The following HTRA4 variants were observed in gnomAD, a reference collection of about 807,000 sequenced individuals.
HTRA4 encodes serine protease HTRA4.
In HTRA4, 46 loss-of-function variants were observed where a neutral mutation model predicts 49.1. That is an observed-to-expected ratio of 0.94 (90% CI 0.74 to 1.20). The LOEUF is 1.20. Among genes scored for constraint, HTRA4 ranks in the 50% most tolerant of loss-of-function variants. HTRA4 has a pLI of 0.00. For synonymous variants in HTRA4, 261 were observed against 264.0 expected (o/e 0.99, Z 0.11); for missense variants, 602 against 636.9 (o/e 0.95, Z 0.59).
intron 5 of HTRA4, among the ~76,000 whole-genome samples, 177 bp downstream of exon 5, chr8:38,979,424 A>C (rs944127781): frequency 1.3e-5 from 2 of 152,214 alleles, no homozygotes; most frequent in Non-Finnish European, 2.9e-5. Flanking sequence ...ATCTACAAAA[A>C]CAAAAACAAA....
intron 4 of HTRA4, among the ~76,000 whole-genome samples, chr8:38,978,656 A>G (rs184331734): frequency 1.3e-5 from 2 of 152,262 alleles, no homozygotes; most frequent in East Asian, 3.9e-4. Flanking sequence ...GCTGGCATCC[A>G]TGCTATTAGG....
intron 2 of HTRA4, 26 bp downstream of exon 2, chr8:38,975,156 A>T (rs1564174200): frequency 1.3e-6 from 2 of 1,597,672 alleles, no homozygotes; most frequent in Non-Finnish European, 1.7e-6. Context: ...GAAGACCTCC[A>T]CTGTCCCAGC....
intron 8 of HTRA4, among the ~76,000 whole-genome samples, chr8:38,986,069 G>A (rs902374574): frequency 1.3e-5 from 2 of 152,122 alleles, no homozygotes; most frequent in Non-Finnish European, 1.5e-5. Context: ...GCTGAGGCAG[G>A]AGGATCATGT....
rs529558164 is a variant in HTRA4 at position 38,988,474 on chromosome 8, G to C, written c.*376G>C. On this transcript the variant is annotated 3_prime_UTR_variant, in exon 9 of 9. Coordinates refer to ENST00000302495, the MANE Select transcript of HTRA4 (RefSeq NM_153692.4). ...AGGGGAACAACACACACTGGGGCCTGGCAGTGGGTAGGGTAGAGGGAGGGA... is the reference window on the plus strand; with the variant it reads ...AGGGGAACAACACACACTGGGGCCTCGCAGTGGGTAGGGTAGAGGGAGGGA... 2.5e-5 allele frequency: 4 copies of C among 159,082 alleles called. No individual in the cohort carries two copies. Among genetic ancestry groups the C allele is most frequent in the African/African-American group, 9.6e-5 (4 of 41,648 alleles). 9.9% of individuals were successfully genotyped at this position (159,082 alleles called of 1,614,324 possible).
At position 38,974,570 on chromosome 8, in the gene HTRA4, C is replaced by G; in HGVS notation, c.307C>G (p.Pro103Ala). The G allele has an allele frequency of 7.0e-7, 1 of 1,420,724 alleles. No individual in the cohort carries two copies. The highest frequency in any genetic ancestry group is 1.5e-5 in the African/African-American group (1 of 66,718). The allele number at this position is 1,420,724 out of a possible 1,614,324, so 88.0% of individuals were successfully genotyped here. ...CCTCCAGCCGCTGCGCCCCGGGTTC[C>G]CCAGCACCTGCGGTTGCCCGACGCT... ...QCLQPLRPGF[P>A]STCGCPTLGG... Residue 103 changes from proline to alanine, a missense_variant, in exon 1 of 9, where the codon CCC (proline) becomes GCC (alanine). Pro to Ala is a conservative substitution (Grantham distance 27). Transcript: ENST00000302495.
rs545182573 is a variant in HTRA4, at chr8:38,981,506, C to G, written c.1000-147C>G. Reference sequence around the variant, plus strand: ...ACTATTTGCCCTATAAAGGAACATCCGTTGCTCTCTTTTGAAGTACAAAGT... The same window carrying G: ...ACTATTTGCCCTATAAAGGAACATCGGTTGCTCTCTTTTGAAGTACAAAGT... On this transcript the variant is annotated intron_variant, in intron 5 of 8. Transcript: ENST00000302495. 2.0e-5 allele frequency: 12 copies of G among 613,708 alleles called. No homozygotes were observed. In the East Asian group the frequency reaches 3.1e-4, roughly 16 times the overall value. 38.0% of individuals were successfully genotyped at this position (613,708 alleles called of 1,614,324 possible). A position where few individuals can be genotyped will look rare whatever the true frequency, so the allele number is the denominator to read the frequency against.
intron 8 of HTRA4, among the ~76,000 whole-genome samples, chr8:38,985,222 G>A (rs1240923098): frequency 6.8e-6 from 1 of 146,272 alleles, no homozygotes. Flanking sequence ...GTGCAGTGAT[G>A]CGATCTCGGC....
chr8:38,974,400 C>T lies in HTRA4; in HGVS notation c.137C>T (p.Pro46Leu), dbSNP rs1251173747. The T allele has an allele frequency of 1.3e-6, 2 of 1,561,950 alleles. No homozygotes were observed. Among genetic ancestry groups the T allele is most frequent in the Non-Finnish European group, 1.7e-6 (2 of 1,155,974 alleles). ...CCCTCCTGCCCCGCGGTCTGCCAGC[C>T]CACGCGCTGCCCCGCGCTGCCCACC... is the stretch of plus-strand genomic sequence containing the variant. Reference protein sequence around the residue: ...TQPSCPAVCQPTRCPALPTCA... With the variant: ...TQPSCPAVCQLTRCPALPTCA... The change falls in exon 1 of 9, where the codon CCC becomes CTC. Residue 46 changes from proline (P) to leucine (L), a missense_variant. Pro to Leu is a moderately conservative substitution (Grantham distance 98). Transcript: ENST00000302495.
chr8:38,981,110 C>T (rs576727038), intron 5 of HTRA4, among the ~76,000 whole-genome samples: 3 of 101,958 alleles, frequency 2.9e-5, no homozygotes, highest in South Asian at 3.7e-4. Context: ...GACGGAGTCT[C>T]GCTAGGTCGC....
intron 1 of HTRA4, 140 bp from the exon 2 acceptor site, chr8:38,974,891 A>G (rs752432635): frequency 2.0e-5 from 24 of 1,208,132 alleles, no homozygotes; most frequent in Non-Finnish European, 2.8e-5. Context: ...CCTCCTTAAC[A>G]GGGGCTCTTT....
chr8:38,981,071 T>TG (rs1488297088), intron 5 of HTRA4, among the ~76,000 whole-genome samples: 13 of 94,964 alleles, frequency 1.4e-4, no homozygotes, highest in South Asian at 3.4e-4. Flanking sequence ...AAGTTTTTTT[T>TG]TTTTTTTTTT....
rs1564179030 is a variant in HTRA4 at position 38,981,078 on chromosome 8, T to TTTTG, written c.1000-572_1000-571insGTTT. Among the ~76,000 whole-genome samples the TTTTG allele has an allele frequency of 1.1e-3, 119 of 104,438 alleles. 3 individuals are homozygous for TTTTG. The highest frequency in any genetic ancestry group is 1.3e-3 in the East Asian group (5 of 3,852). 68.5% of individuals were successfully genotyped at this position (104,438 alleles called of 152,430 possible). On this transcript the variant is annotated intron_variant, in intron 5 of 8. Transcript: ENST00000302495. ...ATGAGCTTAAGTTTTTTTTTTTTTT[T>TTTTG]TTTTTTTTTTTTTTTTTTTGAGACG...
At chr8:38,982,872 G>C in intron 7 of HTRA4, 81 bp from the exon 8 acceptor site, 1 of 899,784 alleles carries the variant, frequency 1.1e-6, no homozygotes, top group Non-Finnish European at 1.8e-6. Context: ...GAGCAGAACA[G>C]AGTACCTACT....
chr8:38,977,142 G>C (rs1468276536), intron 3 of HTRA4, among the ~76,000 whole-genome samples: 1 of 152,052 alleles, frequency 6.6e-6, no homozygotes, highest in Non-Finnish European at 1.5e-5. Context: ...TACCATGTTG[G>C]CCAGGCTGGT....
intron 8 of HTRA4, among the ~76,000 whole-genome samples, chr8:38,983,427 G>A (rs1835447144): frequency 6.6e-6 from 1 of 152,082 alleles, no homozygotes; most frequent in Non-Finnish European, 1.5e-5. Context: ...TTGGGAGGCT[G>A]AGGCAGGAGA....
chr8:38,974,243 T>A lies in HTRA4; in HGVS notation c.-21T>A, dbSNP rs1028917938. On this transcript the variant is annotated 5_prime_UTR_variant, in exon 1 of 9. Coordinates refer to ENST00000302495, the MANE Select transcript of HTRA4 (RefSeq NM_153692.4). ...GGTCCAGAGTAAAGTCACTGAAGAG[T>A]GGAAGCGAGGAAGGAACAGGATGAT... The A allele has an allele frequency of 1.9e-6, 3 of 1,610,530 alleles. No homozygotes were observed. The highest frequency in any genetic ancestry group is 3.3e-5 in the Admixed American group (2 of 59,782).
intron 4 of HTRA4, among the ~76,000 whole-genome samples, chr8:38,978,881 G>A (rs2129427253): frequency 6.6e-6 from 1 of 151,912 alleles, no homozygotes; most frequent in African/African-American, 2.4e-5. Context: ...TGTAATCCCA[G>A]CTACTCAGCA....
At position 38,981,682 on chromosome 8, in the gene HTRA4, G is replaced by T. The variant is rs1588293575; in HGVS notation, c.1029G>T (p.Leu343Phe). ...GTGATGTGATTGGCGTCAATTCATTGAGGGTGACTGATGGAATCTCCTTTG... is the reference window on the plus strand; with the variant it reads ...GTGATGTGATTGGCGTCAATTCATTTAGGGTGACTGATGGAATCTCCTTTG... ...LDGDVIGVNS[L>F]RVTDGISFAI... Residue 343 changes from leucine to phenylalanine, a missense_variant, in exon 6 of 9, where the codon TTG (leucine) becomes TTT (phenylalanine). By Grantham distance (22) the Leu-to-Phe change is conservative (BLOSUM62 0). Transcript: ENST00000302495. 6.2e-7 allele frequency: 1 copy of T among 1,613,434 alleles called. No homozygotes were observed. The highest frequency in any genetic ancestry group is 1.3e-5 in the African/African-American group (1 of 74,734).
intron 8 of HTRA4, 113 bp downstream of exon 8, chr8:38,983,161 C>T (rs1401228676): frequency 4.7e-6 from 3 of 642,718 alleles, no homozygotes; most frequent in East Asian, 2.8e-5. Flanking sequence ...CCACTACTTA[C>T]ATGTAGTATG....
Sources: gnomAD v4.1 joint callset for allele counts (sites outside exome capture counted in the v4.1 genomes callset) on GRCh38, gnomAD v4.1.1 for gene constraint, MANE v1.5 for transcripts, NCBI Gene and HGNC (gene_info 2026-07-23, HGNC 2026-07-21) for gene names.